The following LRRC69 variants were observed in gnomAD, a reference collection of about 807,000 sequenced individuals.
LRRC69 encodes leucine rich repeat containing 69, also known as leucine-rich repeat-containing protein 69.
Under a neutral mutation model 37.8 loss-of-function variants are expected in LRRC69, and 42 were observed. The observed-to-expected ratio is 1.11, with a 90% CI of 0.87 to 1.44. The LOEUF (loss-of-function observed/expected upper bound fraction) is 1.44, where lower values mean the gene tolerates loss of function less well. Ranked by LOEUF, LRRC69 falls within the 40% of genes most tolerant of loss-of-function variation. LRRC69 has a pLI of 0.00. For missense variants in LRRC69, 357 were observed against 401.9 expected, an observed-to-expected ratio of 0.89 and a Z score of 0.96; for synonymous variants, 141 against 143.1, an observed-to-expected ratio of 0.99 and a Z score of 0.11.
chr8:91,127,092 C>A, exon 3 of LRRC69: 1 of 1,545,880 alleles, frequency 6.5e-7, no homozygotes, highest in Non-Finnish European at 8.7e-7. Flanking sequence ...TAACAGATGG[C>A]TTACAAAATT....
intron 6 of LRRC69, among the ~76,000 whole-genome samples, chr8:91,195,607 T>G (rs1003044757): frequency 6.6e-5 from 10 of 151,662 alleles, no homozygotes; most frequent in Non-Finnish European, 1.3e-4. Context: ...AATGGCCTTC[T>G]TTGTCTCTTT....
chr8:91,180,187 A>G (rs567574473), intron 5 of LRRC69, among the ~76,000 whole-genome samples: 1 of 152,312 alleles, frequency 6.6e-6, no homozygotes, highest in South Asian at 2.1e-4. Flanking sequence ...ATCTGAGAGT[A>G]TCTGAACTGG....
At chr8:91,102,818 T>C in exon 1 of LRRC69, 1 of 1,549,174 alleles carries the variant, frequency 6.5e-7, no homozygotes, top group Non-Finnish European at 8.7e-7. Context: ...CCCCAAAGTG[T>C]GTCCAGAGTT....
rs1480778323 is a variant in LRRC69 at position 91,133,277 on chromosome 8, C to G, written c.551C>G (p.Ala184Gly). The G allele has an allele frequency of 2.6e-6, 4 of 1,510,918 alleles. No homozygotes were observed. In the East Asian group the frequency reaches 7.6e-5, roughly 29 times the overall value. The allele number at this position is 1,510,918 out of a possible 1,614,324, so 93.6% of individuals were successfully genotyped here. The change falls in exon 4 of 8, where the codon GCC (alanine) becomes GGC (glycine). Residue 184 changes from alanine (A) to glycine (G), a missense_variant. Physicochemically the swap from Ala to Gly is moderately conservative, Grantham distance 60. Transcript: ENST00000448384. ...AAGAAGCTTCAGAAGCTTTTGCTAG[C>G]CAGAAACAACATTGGAGTTTTGCCG...
chr8:91,213,462 C>T (rs146306917), intron 7 of LRRC69, among the ~76,000 whole-genome samples: 39 of 152,252 alleles, frequency 2.6e-4, no homozygotes, highest in Middle Eastern at 6.8e-3. Context: ...TGTGGCATGG[C>T]AGTGATAAAT....
chr8:91,132,977 C>T (rs1301600586), intron 3 of LRRC69, 133 bp from the exon 4 acceptor site: 5 of 545,500 alleles, frequency 9.2e-6, no homozygotes, highest in East Asian at 6.7e-5. Flanking sequence ...TAGTTGTAAA[C>T]ACTTGACTGA....
intron 5 of LRRC69, among the ~76,000 whole-genome samples, chr8:91,186,336 G>C (rs1392544702): frequency 1.3e-5 from 2 of 152,096 alleles, no homozygotes; most frequent in Non-Finnish European, 2.9e-5. Flanking sequence ...TATATACCAG[G>C]CCCAATGAGG....
At chr8:91,201,517 T>G (rs1207133038) in intron 7 of LRRC69, among the ~76,000 whole-genome samples, 1 of 151,890 alleles carries the variant, frequency 6.6e-6, no homozygotes, top group Admixed American at 6.6e-5. Context: ...TATTTTGATT[T>G]TTTTTTCAAC....
At chr8:91,208,458 C>T (rs1586289203) in intron 7 of LRRC69, among the ~76,000 whole-genome samples, 1 of 152,232 alleles carries the variant, frequency 6.6e-6, no homozygotes, top group Non-Finnish European at 1.5e-5. Context: ...TGAAAAGAAA[C>T]ATTCAGGGAC....
chr8:91,116,256 G>A (rs1813508860), intron 1 of LRRC69, among the ~76,000 whole-genome samples: 1 of 151,868 alleles, frequency 6.6e-6, no homozygotes, highest in African/African-American at 2.4e-5. Flanking sequence ...TATTTGCCTG[G>A]CACTTTATTA....
chr8:91,158,312 C>G (rs1808872817), intron 5 of LRRC69: 1 of 1,484,376 alleles, frequency 6.7e-7, no homozygotes, highest in Non-Finnish European at 9.4e-7. Context: ...CAGAAAGAAA[C>G]TGGAATTTAC....
chr8:91,157,629 A>T, intron 5 of LRRC69: 2 of 1,569,944 alleles, frequency 1.3e-6, no homozygotes, highest in Non-Finnish European at 1.7e-6. Context: ...ACTTTCAGGA[A>T]TCTAATAAAA....
chr8:91,157,243 G>T, intron 5 of LRRC69: 1 of 1,384,190 alleles, frequency 7.2e-7, no homozygotes, highest in East Asian at 2.3e-5. Context: ...TCTGACATTA[G>T]AAAGCACACT....
intron 6 of LRRC69, among the ~76,000 whole-genome samples, chr8:91,193,912 C>T (rs1277973936): frequency 7.6e-6 from 1 of 131,892 alleles, no homozygotes; most frequent in East Asian, 2.2e-4. Flanking sequence ...AGAGAGGGCA[C>T]CCCTGTCTTG....
chr8:91,162,572 T>C (rs1180736890), intron 5 of LRRC69, among the ~76,000 whole-genome samples: 1 of 151,436 alleles, frequency 6.6e-6, no homozygotes, highest in Admixed American at 6.6e-5. Flanking sequence ...GTATAGTTAC[T>C]CCTGCTCACT....
intron 5 of LRRC69, among the ~76,000 whole-genome samples, chr8:91,150,882 T>C (rs1586248490): frequency 6.6e-6 from 1 of 152,156 alleles, no homozygotes; most frequent in East Asian, 1.9e-4. Flanking sequence ...TAGAGGTGTT[T>C]ATAGTATTCT....
intron 5 of LRRC69, chr8:91,138,783 T>G (rs1459900206): frequency 1.3e-5 from 2 of 151,980 alleles, no homozygotes; most frequent in South Asian, 2.1e-4. Context: ...CCAGATATGG[T>G]GGCTCACGGC....
intron 1 of LRRC69, among the ~76,000 whole-genome samples, chr8:91,119,476 CTTCTCCAAGCTACA>C (rs1442534147): frequency 2.6e-5 from 4 of 152,040 alleles, no homozygotes; most frequent in African/African-American, 9.7e-5. Context: ...CTCTCTTCCT[CTTCTCCAAGCTACA>C]TTCTTGGTTG....
intron 1 of LRRC69, among the ~76,000 whole-genome samples, chr8:91,112,408 C>T (rs1346255913): frequency 6.6e-6 from 1 of 151,988 alleles, no homozygotes; most frequent in Non-Finnish European, 1.5e-5. Context: ...AGCACTGCAG[C>T]ACCTTTTACT....
Sources: gnomAD v4.1 joint callset for allele counts (sites outside exome capture counted in the v4.1 genomes callset) on GRCh38, gnomAD v4.1.1 for gene constraint, MANE v1.5 for transcripts, NCBI Gene and HGNC (gene_info 2026-07-23, HGNC 2026-07-21) for gene names.